Variants in IKZF1 observed in about 807,000 individuals in gnomAD.
IKZF1 encodes the protein IKAROS family zinc finger 1.
IKZF1 carries 10 observed loss-of-function variants against 51.7 expected under a neutral mutation model. The ratio of observed to expected loss-of-function variants is 0.19; its 90% CI spans 0.12 to 0.33. The LOEUF is 0.33. Among genes scored for constraint, IKZF1 ranks in the 10% least tolerant of loss-of-function variants. The pLI is 1.00. For missense variants in IKZF1, 484 were observed against 707.5 expected (o/e 0.68, Z 3.58); for synonymous variants, 280 against 282.3 (o/e 0.99, Z 0.08).
At chr7:50,394,439 C>T (rs979986356) in intron 7 of IKZF1, 38 of 233,002 alleles carry the variant, frequency 1.6e-4, no homozygotes, top group African/African-American at 7.7e-4. Flanking sequence ...ACTAGGAATA[C>T]AGCTGTTATC....
chr7:50,337,417 C>T (rs1798056908), intron 3 of IKZF1, among the ~76,000 whole-genome samples: 1 of 152,114 alleles, frequency 6.6e-6, no homozygotes, highest in African/African-American at 2.4e-5. Flanking sequence ...TTCTCCCTTC[C>T]CTCAGGGCTC....
chr7:50,319,188 G>C, intron 2 of IKZF1, 87 bp downstream of exon 2: 2 of 1,024,042 alleles, frequency 2.0e-6, no homozygotes, highest in South Asian at 1.3e-5. Context: ...ATGCTCATGG[G>C]GGAGGAATAG....
At chr7:50,340,168 C>G (rs933285332) in intron 3 of IKZF1, among the ~76,000 whole-genome samples, 1 of 152,294 alleles carries the variant, frequency 6.6e-6, no homozygotes, top group African/African-American at 2.4e-5. Flanking sequence ...TGTGGAAGGG[C>G]TGGGGATTGT....
rs563470513 is a variant in IKZF1, at chr7:50,371,158, A to G, written c.161-5375A>G. On this transcript the variant is annotated intron_variant, in intron 3 of 7. Coordinates refer to ENST00000331340, the MANE Select transcript of IKZF1 (RefSeq NM_006060.6). ...TTAAGAAACTGAAGGGATTTCTCATATGGCATTTTCAACAGAATTCAGCAG... is the reference window on the plus strand; with the variant it reads ...TTAAGAAACTGAAGGGATTTCTCATGTGGCATTTTCAACAGAATTCAGCAG... Among the ~76,000 whole-genome samples, 6 of 152,272 alleles carry G rather than the reference A, an allele frequency of 3.9e-5. 1 individual carries two copies. The highest frequency in any genetic ancestry group is 1.4e-4 in the African/African-American group (6 of 41,558).
intron 3 of IKZF1, among the ~76,000 whole-genome samples, chr7:50,361,809 G>A (rs1805332936): frequency 6.6e-6 from 1 of 152,096 alleles, no homozygotes; most frequent in Admixed American, 6.5e-5. Flanking sequence ...CCGGGAGGAG[G>A]AGGTTGCAGT....
intron 3 of IKZF1, among the ~76,000 whole-genome samples, chr7:50,337,143 C>T (rs1248781618): frequency 6.6e-6 from 1 of 151,960 alleles, no homozygotes; most frequent in African/African-American, 2.4e-5. Context: ...GAGGAGGCAG[C>T]AGCTGTGGGC....
intron 6 of IKZF1, among the ~76,000 whole-genome samples, chr7:50,390,013 T>C (rs1422807799): frequency 6.6e-6 from 1 of 152,232 alleles, no homozygotes; most frequent in Non-Finnish European, 1.5e-5. Flanking sequence ...TATAATTTTC[T>C]TTAGTAAAAG....
chr7:50,377,877 G>A (rs1304898706), intron 4 of IKZF1, among the ~76,000 whole-genome samples: 1 of 152,162 alleles, frequency 6.6e-6, no homozygotes, highest in East Asian at 1.9e-4. Context: ...AGCTGGCATT[G>A]TTAGGTCATC....
At chr7:50,391,992 T>A in intron 7 of IKZF1, 129 bp downstream of exon 7, 2 of 1,273,502 alleles carry the variant, frequency 1.6e-6, no homozygotes, top group Non-Finnish European at 2.1e-6. Context: ...ATTGGTAAGC[T>A]TAACATTCCT....
At chr7:50,397,803 G>A (rs1434015525) in intron 7 of IKZF1, among the ~76,000 whole-genome samples, 3 of 152,274 alleles carry the variant, frequency 2.0e-5, no homozygotes, top group East Asian at 3.9e-4. Context: ...CCTACCATCA[G>A]CTTCATAGGG....
At chr7:50,353,325 C>T (rs552005812) in intron 3 of IKZF1, among the ~76,000 whole-genome samples, 1 of 152,334 alleles carries the variant, frequency 6.6e-6, no homozygotes, top group South Asian at 2.1e-4. Flanking sequence ...CACACTCTTG[C>T]CATGATGAGC....
chr7:50,400,235 C>A lies in IKZF1; in HGVS notation c.1168C>A (p.Pro390Thr), dbSNP rs1023121444. ...KLVPSEREAS[P>T]SNSCQDSTDT... Reference sequence around the variant, plus strand: ...GGTGCCCTCGGAGCGCGAGGCGTCCCCGAGCAACAGCTGCCAAGACTCCAC... The same window carrying A: ...GGTGCCCTCGGAGCGCGAGGCGTCCACGAGCAACAGCTGCCAAGACTCCAC... Residue 390 changes from proline to threonine, a missense_variant, in exon 8 of 8, where the codon CCG becomes ACG. By Grantham distance (38) the Pro-to-Thr change is conservative. Transcript: ENST00000331340. The surrounding 1 kb of genome is among the most constrained non-coding windows in gnomAD (Gnocchi z 5.4). 1 of 1,606,090 alleles carries A rather than the reference C, an allele frequency of 6.2e-7. No homozygotes were observed. Among genetic ancestry groups the A allele is most frequent in the Non-Finnish European group, 8.5e-7 (1 of 1,176,936 alleles).
chr7:50,370,382 C>T (rs1264302689), intron 3 of IKZF1, among the ~76,000 whole-genome samples: 1 of 152,202 alleles, frequency 6.6e-6, no homozygotes, highest in Non-Finnish European at 1.5e-5. Context: ...TCCATGAGCA[C>T]ATACAGTGCC....
chr7:50,394,796 C>T (rs1816224166), intron 7 of IKZF1, among the ~76,000 whole-genome samples: 1 of 152,092 alleles, frequency 6.6e-6, no homozygotes, highest in Non-Finnish European at 1.5e-5. Flanking sequence ...TTTGTTTTGC[C>T]AGCAACATTC....
chr7:50,344,681 C>CT (rs1369108462), intron 3 of IKZF1, among the ~76,000 whole-genome samples: 2 of 152,154 alleles, frequency 1.3e-5, no homozygotes, highest in African/African-American at 4.8e-5. Flanking sequence ...ACTTGAATTG[C>CT]TTCACGATCA....
rs568464839 is a variant in IKZF1 at position 50,377,693 on chromosome 7, A to G, written c.421+900A>G. 7.2e-5 allele frequency among the ~76,000 whole-genome samples: 11 copies of G among 152,382 alleles called. No homozygotes were observed. In the South Asian group the frequency reaches 1.9e-3, roughly 26 times the overall value. ...GGAGTGTCTTAGAAGTAAAATATGAATAACACACACTTATTTAACTATAGG... is the reference window on the plus strand; with the variant it reads ...GGAGTGTCTTAGAAGTAAAATATGAGTAACACACACTTATTTAACTATAGG... On this transcript the variant is annotated intron_variant, in intron 4 of 7. Transcript: ENST00000331340.
chr7:50,348,601 A>G (rs77114674), intron 3 of IKZF1, among the ~76,000 whole-genome samples: 3,346 of 152,322 alleles, frequency 0.022, 136 homozygotes, highest in African/African-American at 0.077. Context: ...GAACAATGAG[A>G]CAGGCCACCA....
intron 3 of IKZF1, chr7:50,368,108 A>C (rs1439097136): frequency 1.4e-6 from 1 of 703,496 alleles, no homozygotes; most frequent in Admixed American, 2.0e-5. Context: ...GCATGCCTTC[A>C]TCTCCTATCA....
chr7:50,386,942 T>A (rs1289288794), intron 5 of IKZF1, among the ~76,000 whole-genome samples: 4 of 152,234 alleles, frequency 2.6e-5, no homozygotes, highest in African/African-American at 9.6e-5. Flanking sequence ...CAGCATAGAC[T>A]GAGGCCTACT....
Sources: allele counts gnomAD v4.1 joint callset (sites outside exome capture counted in the v4.1 genomes callset), GRCh38; gene constraint gnomAD v4.1.1; non-coding constraint Gnocchi (gnomAD v3.1); transcripts MANE v1.5; gene names NCBI Gene and HGNC (gene_info 2026-07-23, HGNC 2026-07-21).